GPM6B: variants seen among roughly 807,000 people sequenced by gnomAD.
GPM6B encodes the protein neuronal membrane glycoprotein M6-b.
In GPM6B, 4 loss-of-function variants were observed where a neutral mutation model predicts 27.2. The ratio of observed to expected loss-of-function variants is 0.15; its 90% confidence interval spans 0.07 to 0.34. GPM6B has a LOEUF of 0.34. Among genes scored for constraint, GPM6B ranks in the 10% least tolerant of loss-of-function variants. The pLI is 1.00. For missense variants in GPM6B, 183 were observed against 261.9 expected (o/e 0.70, Z 2.08); for synonymous variants, 124 against 103.1 (o/e 1.20, Z -1.23).
At chrX:13,843,016 G>C (rs2049598817) in intron 1 of GPM6B, among the ~76,000 whole-genome samples, 1 of 110,055 alleles carries the variant, frequency 9.1e-6, no homozygotes, top group African/African-American at 3.3e-5. Context: ...ATATATGATC[G>C]CAACTGTTAA....
chrX:13,912,885 AT>A (rs1043126111), intron 1 of GPM6B, among the ~76,000 whole-genome samples: 5 of 112,245 alleles, frequency 4.5e-5, no homozygotes, highest in African/African-American at 1.6e-4. Context: ...CAGTTTGTTT[AT>A]TTTGTTTCCG....
At chrX:13,914,160 A>C (rs1470590234) in intron 1 of GPM6B, among the ~76,000 whole-genome samples, 2 of 112,255 alleles carry the variant, frequency 1.8e-5, no homozygotes, top group Admixed American at 9.5e-5. Flanking sequence ...ATTATTCTGA[A>C]AGAAAAATCA....
chrX:13,778,200 C>T (rs916018934), intron 5 of GPM6B, among the ~76,000 whole-genome samples: 1 of 110,269 alleles, frequency 9.1e-6, no homozygotes, highest in African/African-American at 3.3e-5. Flanking sequence ...AGGTGCCTGC[C>T]GCCATGCCCA....
rs2048318420 is a variant in GPM6B at position 13,772,448 on chromosome X, T to C, written c.*433A>G. ...CATCAATTCCATTTTATTTCCTATGTAGATAACACTTGAGGACAGATGGCA... is the reference window on the plus strand; with the variant it reads ...CATCAATTCCATTTTATTTCCTATGCAGATAACACTTGAGGACAGATGGCA... On this transcript the variant is annotated 3_prime_UTR_variant, in exon 8 of 8. Transcript: ENST00000316715. The C allele has an allele frequency of 8.7e-6, 1 of 114,964 alleles. No individual in the cohort carries two copies. Among genetic ancestry groups the C allele is most frequent in the African/African-American group, 3.2e-5 (1 of 30,947 alleles). The allele number at this position is 114,964 out of a possible 1,213,427, so 9.5% of individuals were successfully genotyped here.
intron 1 of GPM6B, among the ~76,000 whole-genome samples, chrX:13,926,421 CAAACAAA>C (rs1323597660): frequency 5.9e-4 from 10 of 16,859 alleles, no homozygotes; most frequent in African/African-American, 2.4e-3. Flanking sequence ...AAAAAACAAA[CAAACAAA>C]AAAAAAAAAC....
chrX:13,934,112 G>T (rs1160181835), intron 1 of GPM6B, among the ~76,000 whole-genome samples: 2 of 110,724 alleles, frequency 1.8e-5, no homozygotes, highest in African/African-American at 6.6e-5. Flanking sequence ...TTTCGGTAGA[G>T]CAAAAATATA....
chrX:13,934,205 T>C lies in GPM6B; in HGVS notation c.-198+4122A>G, dbSNP rs762432013. On this transcript the variant is annotated intron_variant, in intron 1 of 6. Transcript: ENST00000398361. The stretch of plus-strand genomic sequence containing the variant: ...GAGGTTTACTCAAAATGTCGGTTTG[T>C]GTCCCGATATTAAAAGGGAGCTCTC... 3.6e-5 allele frequency among the ~76,000 whole-genome samples: 4 copies of C among 111,466 alleles called. No individual in the cohort carries two copies. The East Asian group carries it at 1.1e-3, about 31-fold the overall frequency.
intron 1 of GPM6B, among the ~76,000 whole-genome samples, chrX:13,829,686 TGA>T (rs1185510047): frequency 3.6e-5 from 4 of 110,694 alleles, no homozygotes; most frequent in African/African-American, 1.3e-4. Flanking sequence ...ATGTGAGACC[TGA>T]GATTGACTAA....
rs1425964167 is a variant in GPM6B at position 13,771,378 on chromosome X, C to T, written c.*1503G>A. ...AACTGTTCTACACAGAAGAGAGCTT[C>T]TCTTAATTTAAAAAAAAAAAAAAAT... On this transcript the variant is annotated 3_prime_UTR_variant, in exon 8 of 8. Coordinates refer to ENST00000316715, the MANE Select transcript of GPM6B (RefSeq NM_001001995.3). 3.2e-5 allele frequency: 3 copies of T among 93,262 alleles called. No individual in the cohort carries two copies. The highest frequency in any genetic ancestry group is 1.3e-4 in the African/African-American group (3 of 22,967). 7.7% of individuals were successfully genotyped at this position (93,262 alleles called of 1,213,427 possible). A position where few individuals can be genotyped will look rare whatever the true frequency, so the allele number is the denominator to read the frequency against.
chrX:13,838,015 G>A (rs192166475), intron 1 of GPM6B, among the ~76,000 whole-genome samples: 79 of 109,738 alleles, frequency 7.2e-4, no homozygotes, highest in African/African-American at 2.5e-3. Flanking sequence ...TGGAGAAACT[G>A]ACAAAATAAA....
chrX:13,919,607 T>A (rs757840504), intron 1 of GPM6B, among the ~76,000 whole-genome samples: 4 of 112,411 alleles, frequency 3.6e-5, no homozygotes, highest in Non-Finnish European at 7.5e-5. Context: ...CAACTAAATA[T>A]ATGGGTGAAA....
At chrX:13,920,635 T>A (rs1001371925) in intron 1 of GPM6B, among the ~76,000 whole-genome samples, 3 of 111,791 alleles carry the variant, frequency 2.7e-5, no homozygotes, top group Non-Finnish European at 5.6e-5. Flanking sequence ...CTCACGCCTG[T>A]AATCCCAGCA....
chrX:13,865,591 A>C (rs1193908352), intron 1 of GPM6B, among the ~76,000 whole-genome samples: 2 of 99,536 alleles, frequency 2.0e-5, no homozygotes, highest in African/African-American at 3.6e-5. Flanking sequence ...AAAAGAAAAA[A>C]AAAACAAAGA....
At chrX:13,855,634 A>G (rs2049771841) in intron 1 of GPM6B, among the ~76,000 whole-genome samples, 1 of 112,246 alleles carries the variant, frequency 8.9e-6, no homozygotes, top group African/African-American at 3.2e-5. Flanking sequence ...CTGAATAATC[A>G]GTGTACGGTC....
At chrX:13,846,547 G>A (rs2049648380) in intron 1 of GPM6B, among the ~76,000 whole-genome samples, 1 of 110,210 alleles carries the variant, frequency 9.1e-6, no homozygotes, top group African/African-American at 3.3e-5. Context: ...CTGGAGTGCA[G>A]TGGCGTGATC....
At position 13,880,800 on chromosome X, in the gene GPM6B, C is replaced by T. The variant is rs1356207373; in HGVS notation, c.-198+57527G>A. ...AAGGCCTTTGAGGTTCCAGCCCCTGCCTGCTTATTGACCTCATCTCCAATC... is the reference window on the plus strand; with the variant it reads ...AAGGCCTTTGAGGTTCCAGCCCCTGTCTGCTTATTGACCTCATCTCCAATC... On this transcript the variant is annotated intron_variant, in intron 1 of 6. Transcript: ENST00000398361. Among the ~76,000 whole-genome samples, 3 of 110,713 alleles carry T rather than the reference C, an allele frequency of 2.7e-5. No homozygotes were observed. The Admixed American group carries it at 2.9e-4, about 11-fold the overall frequency.
chrX:13,863,545 T>C (rs2049875985), intron 1 of GPM6B, among the ~76,000 whole-genome samples: 2 of 111,864 alleles, frequency 1.8e-5, no homozygotes. Context: ...GATACCAAAG[T>C]GGCAATTGTG....
At chrX:13,869,767 G>A (rs1049207390) in intron 1 of GPM6B, among the ~76,000 whole-genome samples, 1 of 112,306 alleles carries the variant, frequency 8.9e-6, no homozygotes, top group Non-Finnish European at 1.9e-5. Flanking sequence ...CCTTCACTGA[G>A]CTTCTCCTTA....
At chrX:13,890,782 G>A (rs918314883) in intron 1 of GPM6B, among the ~76,000 whole-genome samples, 1 of 111,513 alleles carries the variant, frequency 9.0e-6, no homozygotes, top group African/African-American at 3.3e-5. Flanking sequence ...TTGAGAACTG[G>A]TGAGTTAGAA....
Sources: allele counts gnomAD v4.1 joint callset (sites outside exome capture counted in the v4.1 genomes callset), GRCh38; gene constraint gnomAD v4.1.1; transcripts MANE v1.5; gene names NCBI Gene and HGNC (gene_info 2026-07-23, HGNC 2026-07-21).